MGAT4C: variants seen among roughly 807,000 people sequenced by gnomAD.
The protein encoded by MGAT4C is MGAT4 family member C.
A neutral mutation model predicts 40.1 loss-of-function variants in MGAT4C; 19 were observed. That is an observed-to-expected ratio of 0.47 (90% CI 0.33 to 0.70). The LOEUF (loss-of-function observed/expected upper bound fraction) is 0.70, where lower values mean the gene tolerates loss of function less well. MGAT4C is among the 30% of genes least tolerant of loss of function. The pLI, the probability that MGAT4C is intolerant of heterozygous loss-of-function variation, is 0.02. For synonymous variants in MGAT4C, 181 were observed against 187.1 expected, an observed-to-expected ratio of 0.97 and a Z score of 0.27; for missense variants, 491 against 563.2, an observed-to-expected ratio of 0.87 and a Z score of 1.30.
At chr12:86,708,810 C>T (rs957222625) in intron 2 of MGAT4C, among the ~76,000 whole-genome samples, 1 of 152,140 alleles carries the variant, frequency 6.6e-6, no homozygotes, top group Non-Finnish European at 1.5e-5. Flanking sequence ...CCATTATCTC[C>T]CATTTAGAAT....
chr12:86,066,620 C>A (rs1264589882), intron 1 of MGAT4C, among the ~76,000 whole-genome samples: 1 of 152,058 alleles, frequency 6.6e-6, no homozygotes, highest in Non-Finnish European at 1.5e-5. Context: ...AGAAGAAAAC[C>A]TAGGCAATAC....
At chr12:86,829,329 C>T (rs1385502292) in intron 1 of MGAT4C, among the ~76,000 whole-genome samples, 3 of 151,416 alleles carry the variant, frequency 2.0e-5, no homozygotes, top group African/African-American at 4.8e-5. Flanking sequence ...ATTATATAGT[C>T]TATACATCCT....
At chr12:86,101,419 G>A (rs1366481516) in intron 1 of MGAT4C, among the ~76,000 whole-genome samples, 1 of 151,804 alleles carries the variant, frequency 6.6e-6, no homozygotes, top group East Asian at 1.9e-4. Flanking sequence ...ACTGCTGCTT[G>A]AAATATATCA....
chr12:86,061,152 G>A (rs1052241742), intron 1 of MGAT4C, among the ~76,000 whole-genome samples: 4 of 152,170 alleles, frequency 2.6e-5, no homozygotes, highest in Non-Finnish European at 5.9e-5. Context: ...ATTTCCAACT[G>A]AGGTACCTGG....
Position 86,413,770 on chromosome 12 carries a change from G to A in MGAT4C, c.-120+21387C>T, listed in dbSNP as rs184221547. Among the ~76,000 whole-genome samples, 103 of 152,272 alleles carry A rather than the reference G, an allele frequency of 6.8e-4. 1 individual carries two copies. Among genetic ancestry groups the A allele is most frequent in the Non-Finnish European group, 4.6e-4 (31 of 68,008 alleles). On this transcript the variant is annotated intron_variant, in intron 3 of 7. Coordinates refer to the MGAT4C transcript ENST00000548651. ...CTGAACTTAAAACTGGTCAGCAAGT[G>A]TGTGCGGTTTTATTTTGCCATCTTT...
At chr12:86,722,284 A>G (rs1054710887) in intron 2 of MGAT4C, among the ~76,000 whole-genome samples, 1 of 152,130 alleles carries the variant, frequency 6.6e-6, no homozygotes, top group Non-Finnish European at 1.5e-5. Context: ...CTGAGCATGC[A>G]TCTTTTCCCA....
At position 86,650,440 on chromosome 12, in the gene MGAT4C, G is replaced by A. The variant is rs997043293; in HGVS notation, c.-229+76769C>T. Among the ~76,000 whole-genome samples, 18 of 151,774 alleles carry A rather than the reference G, an allele frequency of 1.2e-4. 1 individual carries two copies. Among genetic ancestry groups the A allele is most frequent in the Non-Finnish European group, 2.1e-4 (14 of 67,866 alleles). ...ATTGCAATGTAACCCTGTCTACAGCGCCAGAAATGTGTATTGAGAGCTCCA... is the reference window on the plus strand; with the variant it reads ...ATTGCAATGTAACCCTGTCTACAGCACCAGAAATGTGTATTGAGAGCTCCA... On this transcript the variant is annotated intron_variant, in intron 2 of 7. Coordinates refer to the MGAT4C transcript ENST00000548651.
intron 2 of MGAT4C, among the ~76,000 whole-genome samples, chr12:86,677,692 C>T (rs558057481): frequency 3.3e-5 from 5 of 151,962 alleles, no homozygotes; most frequent in African/African-American, 1.2e-4. Context: ...TATAAATATA[C>T]CATGGTAAAA....
In MGAT4C at chr12:86,048,558, A is replaced by G. The variant is rs151006136; in HGVS notation, c.-7+1116T>C. On this transcript the variant is annotated intron_variant, in intron 2 of 4. Transcript: ENST00000611864. Reference sequence around the variant, plus strand: ...TATGCAGATAAAATCAGTGAACTGGATATAGATTCAAAGTAATAAATAATG... The same window carrying G: ...TATGCAGATAAAATCAGTGAACTGGGTATAGATTCAAAGTAATAAATAATG... Among the ~76,000 whole-genome samples the G allele has an allele frequency of 3.7e-3, 557 of 152,260 alleles. 1 individual carries two copies. The highest frequency in any genetic ancestry group is 0.013 in the African/African-American group (544 of 41,582).
At chr12:86,467,925 G>A (rs1957704835) in intron 2 of MGAT4C, among the ~76,000 whole-genome samples, 1 of 151,934 alleles carries the variant, frequency 6.6e-6, no homozygotes, top group Non-Finnish European at 1.5e-5. Flanking sequence ...AAAAAATTAA[G>A]GGTTATTTAA....
At chr12:86,024,646 G>A (rs140747306) in intron 2 of MGAT4C, among the ~76,000 whole-genome samples, 2 of 151,792 alleles carry the variant, frequency 1.3e-5, no homozygotes, top group East Asian at 3.9e-4. Flanking sequence ...ACTCAAGGTG[G>A]TAATTCAAGT....
chr12:86,631,413 TCATATGGAAC>T lies in MGAT4C; in HGVS notation c.-229+95786_-229+95795del, dbSNP rs1963039379. On this transcript the variant is annotated intron_variant, in intron 2 of 7. Transcript: ENST00000548651. Reference sequence around the variant, plus strand: ...GAATTAGAAAAAACTACTTTGAAGTTCATATGGAACCAAAAAAGAGCCCGCATTGCCAAGT... The same window carrying T: ...GAATTAGAAAAAACTACTTTGAAGTTCAAAAAAGAGCCCGCATTGCCAAGT... Among the ~76,000 whole-genome samples, 3 of 152,174 alleles carry T rather than the reference TCATATGGAAC, an allele frequency of 2.0e-5. No homozygotes were observed. In the South Asian group the frequency reaches 6.2e-4, roughly 32 times the overall value.
rs566883653 is a variant in MGAT4C at position 86,711,537 on chromosome 12, T to C, written c.-229+15672A>G. On this transcript the variant is annotated intron_variant, in intron 2 of 7. Coordinates refer to the MGAT4C transcript ENST00000548651. Reference sequence around the variant, plus strand: ...ATGGTCACTACACTGTTAACACTAATTAAAAATTGGTTTTTGGTTCTTATA... The same window carrying C: ...ATGGTCACTACACTGTTAACACTAACTAAAAATTGGTTTTTGGTTCTTATA... Among the ~76,000 whole-genome samples the C allele has an allele frequency of 9.3e-4, 141 of 152,282 alleles. No homozygotes were observed. The South Asian group carries it at 0.012, about 13-fold the overall frequency.
At chr12:86,472,723 GT>G (rs1414896166) in intron 2 of MGAT4C, among the ~76,000 whole-genome samples, 3 of 152,026 alleles carry the variant, frequency 2.0e-5, no homozygotes, top group Non-Finnish European at 2.9e-5. Flanking sequence ...GCATTTTCAA[GT>G]TTTGTATTAG....
chr12:86,643,778 A>G (rs954818768), intron 2 of MGAT4C, among the ~76,000 whole-genome samples: 1 of 151,820 alleles, frequency 6.6e-6, no homozygotes, highest in Non-Finnish European at 1.5e-5. Flanking sequence ...AACTATATGA[A>G]TATGTGATAA....
chr12:86,490,018 A>T (rs1958102682), intron 2 of MGAT4C, among the ~76,000 whole-genome samples: 1 of 152,166 alleles, frequency 6.6e-6, no homozygotes, highest in Non-Finnish European at 1.5e-5. Context: ...CATCCAGGAG[A>T]ACTTCCCCAA....
In MGAT4C at chr12:85,979,616, C is replaced by A; in HGVS notation, c.1110G>T (p.Gly370=). 1 of 1,610,880 alleles carries A rather than the reference C, an allele frequency of 6.2e-7. No homozygotes were observed. The highest frequency in any genetic ancestry group is 8.5e-7 in the Non-Finnish European group (1 of 1,179,260). The part of the protein sequence containing the change: ...AYSSVDEYFW[G]KPPSTGDVFV... ...AAACATCTCCTGTTGAAGGTGGTTT[C>A]CCCCAAAAGTACTCATCAACACTAC... The change falls in exon 5 of 5, where the codon GGG becomes GGT. Residue 370 remains glycine, a synonymous_variant. Coordinates refer to ENST00000611864, the MANE Select transcript of MGAT4C (RefSeq NM_001351288.2).
chr12:86,364,990 T>C (rs1955560257), intron 3 of MGAT4C, among the ~76,000 whole-genome samples: 2 of 152,210 alleles, frequency 1.3e-5, no homozygotes, highest in African/African-American at 4.8e-5. Flanking sequence ...AGCAGACAAC[T>C]GGTCTGACCA....
intron 2 of MGAT4C, among the ~76,000 whole-genome samples, chr12:86,720,852 TCTCA>T (rs1233329492): frequency 2.6e-5 from 4 of 152,158 alleles, no homozygotes; most frequent in East Asian, 1.9e-4. Context: ...AAATGAATCC[TCTCA>T]CTCACATCAA....
Sources: gnomAD v4.1 joint callset for allele counts (sites outside exome capture counted in the v4.1 genomes callset) on GRCh38, gnomAD v4.1.1 for gene constraint, MANE v1.5 for transcripts, NCBI Gene and HGNC (gene_info 2026-07-23, HGNC 2026-07-21) for gene names.